SLC9C1: variants seen among roughly 807,000 people sequenced by gnomAD.
SLC9C1 encodes the protein sodium/hydrogen exchanger 10.
Under a neutral mutation model 140.9 loss-of-function variants are expected in SLC9C1, and 97 were observed. The ratio of observed to expected loss-of-function variants is 0.69; its 90% CI spans 0.58 to 0.82. SLC9C1 has a LOEUF of 0.82. Among genes scored for constraint, SLC9C1 ranks in the 40% least tolerant of loss-of-function variants. The pLI, the probability that SLC9C1 is intolerant of heterozygous loss-of-function variation, is 0.00. For synonymous variants in SLC9C1, 440 were observed against 442.6 expected (o/e 0.99, Z 0.07); for missense variants, 1,340 against 1,389.3 (o/e 0.96, Z 0.56).
intron 26 of SLC9C1, among the ~76,000 whole-genome samples, chr3:112,161,545 T>C (rs1029561180): frequency 1.3e-5 from 2 of 152,224 alleles, no homozygotes; most frequent in African/African-American, 4.8e-5. Context: ...CCTCATTGCT[T>C]ATTTTTCTCA....
At chr3:112,289,172 C>T (rs1393214977) in intron 1 of SLC9C1, among the ~76,000 whole-genome samples, 1 of 152,198 alleles carries the variant, frequency 6.6e-6, no homozygotes, top group African/African-American at 2.4e-5. Context: ...CAATGCCCTT[C>T]AGCCAAATGT....
chr3:112,278,434 C>T (rs1227142775), intron 4 of SLC9C1, among the ~76,000 whole-genome samples: 1 of 152,154 alleles, frequency 6.6e-6, no homozygotes, highest in Non-Finnish European at 1.5e-5. Flanking sequence ...GGAGCTAATA[C>T]ACTTTCTCAT....
At chr3:112,224,062 T>G (rs1467128844) in intron 13 of SLC9C1, among the ~76,000 whole-genome samples, 2 of 152,160 alleles carry the variant, frequency 1.3e-5, no homozygotes, top group East Asian at 1.9e-4. Flanking sequence ...AGCCCTGCAC[T>G]TCCCCCAAAT....
At chr3:112,176,411 C>T (rs911956018) in intron 23 of SLC9C1, among the ~76,000 whole-genome samples, 4 of 152,264 alleles carry the variant, frequency 2.6e-5, no homozygotes, top group Non-Finnish European at 5.9e-5. Flanking sequence ...TCTGTGAGAG[C>T]GGCACACACC....
chr3:112,213,132 A>T (rs2078255374), intron 15 of SLC9C1, among the ~76,000 whole-genome samples: 4 of 152,190 alleles, frequency 2.6e-5, no homozygotes, highest in Admixed American at 2.6e-4. Context: ...GGAGAAATAA[A>T]ATCCTTTACA....
At chr3:112,212,490 C>T (rs1299821946) in intron 15 of SLC9C1, among the ~76,000 whole-genome samples, 3 of 152,202 alleles carry the variant, frequency 2.0e-5, no homozygotes, top group Admixed American at 6.5e-5. Flanking sequence ...ACTAGAATAA[C>T]CAGTGTAGAG....
chr3:112,211,665 G>A (rs1009815103), intron 15 of SLC9C1, among the ~76,000 whole-genome samples: 9 of 152,226 alleles, frequency 5.9e-5, no homozygotes, highest in African/African-American at 1.9e-4. Flanking sequence ...GGGGAGGGGC[G>A]CCCACCATTG....
At chr3:112,162,331 G>A (rs2075326850) in intron 26 of SLC9C1, among the ~76,000 whole-genome samples, 4 of 152,060 alleles carry the variant, frequency 2.6e-5, no homozygotes, top group Admixed American at 2.0e-4. Flanking sequence ...GTGAGAGAGG[G>A]CATCCCTGTC....
rs191402865 is a variant in SLC9C1, at chr3:112,165,612, C to A, written c.3364+1609G>T. Among the ~76,000 whole-genome samples, 201 of 152,296 alleles carry A rather than the reference C, an allele frequency of 1.3e-3. 6 individuals carry two copies. In the South Asian group the frequency reaches 0.019, roughly 14 times the overall value. On this transcript the variant is annotated intron_variant, in intron 26 of 28. Transcript: ENST00000305815. ...TATTGGTGAACAGCAAATGTTGCTA[C>A]CTGATCGTTCCTCTGGAAGTTTTGT...
intron 20 of SLC9C1, among the ~76,000 whole-genome samples, chr3:112,188,550 G>T (rs916651921): frequency 6.6e-6 from 1 of 152,110 alleles, no homozygotes; most frequent in Non-Finnish European, 1.5e-5. Context: ...CCATGTCCCT[G>T]CAAAGGACAT....
rs1443318937 is a variant in SLC9C1 at position 112,179,707 on chromosome 3, C to T, written c.2749-6G>A. 3 of 1,578,504 alleles carry T rather than the reference C, an allele frequency of 1.9e-6. No homozygotes were observed. Among genetic ancestry groups the T allele is most frequent in the Non-Finnish European group, 2.6e-6 (3 of 1,168,548 alleles). ...CCTGGCTTTGATTTTTCAAGCTGTT[C>T]AGGAACAAAGAAAGAGAAAAATACA... On this transcript the variant is annotated splice_region_variant and splice_polypyrimidine_tract_variant and intron_variant, in intron 22 of 28. Coordinates refer to ENST00000305815, the MANE Select transcript of SLC9C1 (RefSeq NM_183061.3).
At chr3:112,287,899 C>T (rs1456497654) in intron 1 of SLC9C1, among the ~76,000 whole-genome samples, 6 of 151,958 alleles carry the variant, frequency 3.9e-5, no homozygotes, top group South Asian at 2.1e-4. Context: ...AAAAATTAGC[C>T]GGGCATGGTG....
intron 20 of SLC9C1, chr3:112,185,963 C>G: frequency 6.4e-7 from 1 of 1,561,354 alleles, no homozygotes; most frequent in Non-Finnish European, 8.6e-7. Flanking sequence ...GGTGGGCGAC[C>G]AGCTCTCTGC....
chr3:112,253,482 T>C (rs2079520812), intron 10 of SLC9C1, among the ~76,000 whole-genome samples: 1 of 152,152 alleles, frequency 6.6e-6, no homozygotes, highest in Non-Finnish European at 1.5e-5. Flanking sequence ...ACCTACTGGT[T>C]CACACCCCAA....
chr3:112,162,873 A>C (rs1181107283), intron 26 of SLC9C1, among the ~76,000 whole-genome samples: 1 of 133,614 alleles, frequency 7.5e-6, no homozygotes, highest in South Asian at 2.9e-4. Context: ...TACCTCTGGT[A>C]GAATTCGGCT....
intron 2 of SLC9C1, among the ~76,000 whole-genome samples, chr3:112,285,160 G>A (rs1157087338): frequency 6.6e-6 from 1 of 151,406 alleles, no homozygotes; most frequent in Non-Finnish European, 1.5e-5. Context: ...CTAATTTTTT[G>A]TATTTTTAGT....
At chr3:112,146,940 A>G (rs1399885899) in intron 28 of SLC9C1, among the ~76,000 whole-genome samples, 1 of 152,148 alleles carries the variant, frequency 6.6e-6, no homozygotes, top group African/African-American at 2.4e-5. Flanking sequence ...AAGCCTTTTC[A>G]TACACCTAGA....
rs1180027200 is a variant in SLC9C1, at chr3:112,150,840, A to AT, written c.3524+1016dup. ...CATATACATATATATATATATATATATTTTTTTTTTTTTTTGAGATGAAGT... is the reference window on the plus strand; with the variant it reads ...CATATACATATATATATATATATATATTTTTTTTTTTTTTTTGAGATGAAGT... On this transcript the variant is annotated intron_variant, in intron 28 of 28. Coordinates refer to ENST00000305815, the MANE Select transcript of SLC9C1 (RefSeq NM_183061.3). Among the ~76,000 whole-genome samples the AT allele has an allele frequency of 8.0e-3, 461 of 57,304 alleles. 13 individuals are homozygous for AT. The highest frequency in any genetic ancestry group is 0.028 in the African/African-American group (389 of 13,992). The allele number at this position is 57,304 out of a possible 152,430, so 37.6% of individuals were successfully genotyped here.
At chr3:112,225,933 C>T (rs1251760915) in intron 13 of SLC9C1, among the ~76,000 whole-genome samples, 1 of 152,080 alleles carries the variant, frequency 6.6e-6, no homozygotes, top group African/African-American at 2.4e-5. Context: ...ATTATTAGAT[C>T]TGAAGGGAGA....
Sources: allele counts gnomAD v4.1 joint callset (sites outside exome capture counted in the v4.1 genomes callset), GRCh38; gene constraint gnomAD v4.1.1; transcripts MANE v1.5; gene names NCBI Gene and HGNC (gene_info 2026-07-23, HGNC 2026-07-21).